Variants in CNTN5 observed in about 807,000 individuals in gnomAD.
The protein encoded by CNTN5 is contactin-5.
A neutral mutation model predicts 129.1 loss-of-function variants in CNTN5; 77 were observed. That is an observed-to-expected ratio of 0.60 (90% CI 0.50 to 0.72). The LOEUF (loss-of-function observed/expected upper bound fraction) is 0.72, where lower values mean the gene tolerates loss of function less well. Ranked by LOEUF, CNTN5 falls within the 30% of genes least tolerant of loss-of-function variation. CNTN5 has a pLI of 0.00. For missense variants in CNTN5, 1,478 were observed against 1,328.8 expected (o/e 1.11, Z -1.75); for synonymous variants, 509 against 465.6 (o/e 1.09, Z -1.20).
At chr11:99,784,772 G>T (rs1198852977) in intron 3 of CNTN5, among the ~76,000 whole-genome samples, 1 of 148,764 alleles carries the variant, frequency 6.7e-6, no homozygotes, top group Non-Finnish European at 1.5e-5. Context: ...CATTCTAACT[G>T]GTGTGAGATG....
intron 3 of CNTN5, among the ~76,000 whole-genome samples, chr11:99,771,387 C>G (rs910698813): frequency 6.6e-6 from 1 of 151,866 alleles, no homozygotes; most frequent in African/African-American, 2.4e-5. Context: ...TACATACATA[C>G]ATATACACAC....
chr11:99,383,596 C>CTT (rs34782381), intron 2 of CNTN5, among the ~76,000 whole-genome samples: 3 of 145,144 alleles, frequency 2.1e-5, no homozygotes, highest in Non-Finnish European at 4.5e-5. Context: ...TGAGAAGCTG[C>CTT]TTTTTTTTTT....
intron 6 of CNTN5, among the ~76,000 whole-genome samples, chr11:99,865,662 T>G: frequency 6.6e-6 from 1 of 152,146 alleles, no homozygotes; most frequent in South Asian, 2.1e-4. Flanking sequence ...TGAGATAAAT[T>G]ATATTTATCT....
At chr11:100,154,112 C>T (rs1591324246) in intron 13 of CNTN5, among the ~76,000 whole-genome samples, 1 of 152,138 alleles carries the variant, frequency 6.6e-6, no homozygotes, top group East Asian at 1.9e-4. Context: ...TCTAGCACCC[C>T]AACCCCGAAC....
intron 21 of CNTN5, chr11:100,308,692 T>C (rs1194713020): frequency 1.8e-6 from 2 of 1,131,142 alleles, no homozygotes; most frequent in Non-Finnish European, 2.2e-6. Context: ...CAAAGATGTT[T>C]TTAAAAGATG....
At chr11:99,379,927 A>T (rs963178724) in intron 2 of CNTN5, among the ~76,000 whole-genome samples, 20 of 152,086 alleles carry the variant, frequency 1.3e-4, no homozygotes, top group Non-Finnish European at 2.8e-4. Context: ...ATATGTGTAT[A>T]TATGTGTATA....
At chr11:99,216,832 G>C (rs752704267) in intron 1 of CNTN5, among the ~76,000 whole-genome samples, 6 of 152,036 alleles carry the variant, frequency 3.9e-5, no homozygotes, top group Non-Finnish European at 8.8e-5. Context: ...AAAGTGAAGA[G>C]GCAACCCACA....
chr11:99,330,296 G>A (rs879774971), intron 2 of CNTN5, among the ~76,000 whole-genome samples: 19 of 151,032 alleles, frequency 1.3e-4, no homozygotes, highest in Non-Finnish European at 2.5e-4. Flanking sequence ...GAAGGAGAGA[G>A]GGAAAGGAAG....
chr11:100,087,000 G>C (rs1303298349), intron 13 of CNTN5, among the ~76,000 whole-genome samples: 2 of 151,430 alleles, frequency 1.3e-5, no homozygotes, highest in Non-Finnish European at 3.0e-5. Flanking sequence ...GTAAATGCAA[G>C]AAAATAATAA....
At chr11:99,935,941 A>G (rs1950307213) in intron 7 of CNTN5, among the ~76,000 whole-genome samples, 1 of 152,268 alleles carries the variant, frequency 6.6e-6, no homozygotes, top group Middle Eastern at 3.4e-3. Flanking sequence ...GCTGGAATTC[A>G]GTTCACTTTT....
chr11:99,913,009 C>T (rs1056373145), intron 6 of CNTN5, among the ~76,000 whole-genome samples: 2 of 151,892 alleles, frequency 1.3e-5, no homozygotes, highest in Non-Finnish European at 2.9e-5. Flanking sequence ...TGTGTAATTG[C>T]AATAAAACAA....
At chr11:99,771,905 G>A (rs910122782) in intron 3 of CNTN5, among the ~76,000 whole-genome samples, 4 of 151,554 alleles carry the variant, frequency 2.6e-5, no homozygotes, top group African/African-American at 9.7e-5. Flanking sequence ...GAACTTTACT[G>A]TATATTATAT....
chr11:100,312,731 T>A (rs1225407008), intron 21 of CNTN5, among the ~76,000 whole-genome samples: 1 of 152,042 alleles, frequency 6.6e-6, no homozygotes, highest in African/African-American at 2.4e-5. Context: ...AGCCATAATT[T>A]TAACTTCACA....
At chr11:99,874,261 G>A (rs187506963) in intron 6 of CNTN5, among the ~76,000 whole-genome samples, 19 of 152,244 alleles carry the variant, frequency 1.2e-4, no homozygotes, top group Admixed American at 3.9e-4. Context: ...GTCTTCCTCC[G>A]TTCCTTTCCT....
intron 8 of CNTN5, among the ~76,000 whole-genome samples, chr11:99,971,059 A>G (rs1951237525): frequency 6.6e-6 from 1 of 152,218 alleles, no homozygotes; most frequent in African/African-American, 2.4e-5. Flanking sequence ...CATAGTTTAG[A>G]TTTTATTCTA....
chr11:99,149,541 G>A (rs1054436013), intron 1 of CNTN5, among the ~76,000 whole-genome samples: 6 of 151,882 alleles, frequency 4.0e-5, no homozygotes, highest in African/African-American at 4.8e-5. Flanking sequence ...ACTGTCATAC[G>A]TTACAACACA....
At chr11:99,842,844 A>G (rs1272846803) in intron 4 of CNTN5, among the ~76,000 whole-genome samples, 1 of 152,050 alleles carries the variant, frequency 6.6e-6, no homozygotes, top group Non-Finnish European at 1.5e-5. Flanking sequence ...TCTTTTCCTT[A>G]TTGAATAAAA....
intron 1 of CNTN5, among the ~76,000 whole-genome samples, chr11:99,117,747 G>T (rs1200927995): frequency 1.3e-5 from 2 of 152,102 alleles, no homozygotes; most frequent in Non-Finnish European, 2.9e-5. Flanking sequence ...GTGTGAGAGA[G>T]GCCACAGCTT....
chr11:99,955,462 T>C (rs1950777036), intron 7 of CNTN5, among the ~76,000 whole-genome samples: 1 of 152,170 alleles, frequency 6.6e-6, no homozygotes, highest in South Asian at 2.1e-4. Flanking sequence ...AAACAATTGT[T>C]AAAATATTTG....
Sources: allele counts gnomAD v4.1 joint callset (sites outside exome capture counted in the v4.1 genomes callset), GRCh38; gene constraint gnomAD v4.1.1; transcripts MANE v1.5; gene names NCBI Gene and HGNC (gene_info 2026-07-23, HGNC 2026-07-21).